CDKAL1: variants seen among roughly 807,000 people sequenced by gnomAD.
The protein encoded by CDKAL1 is CDKAL1 threonylcarbamoyladenosine tRNA methylthiotransferase.
A neutral mutation model predicts 68.2 loss-of-function variants in CDKAL1; 32 were observed. That is an observed-to-expected ratio of 0.47 (90% confidence interval 0.35 to 0.63). The LOEUF is 0.63. CDKAL1 is among the 30% of genes least tolerant of loss of function. The pLI, the probability that CDKAL1 is intolerant of heterozygous loss-of-function variation, is 0.00. For synonymous variants in CDKAL1, 234 were observed against 244.3 expected (o/e 0.96, Z 0.39); for missense variants, 606 against 696.7 (o/e 0.87, Z 1.47).
intron 13 of CDKAL1, among the ~76,000 whole-genome samples, chr6:21,153,455 T>C (rs1344883089): frequency 6.6e-6 from 1 of 152,182 alleles, no homozygotes; most frequent in East Asian, 1.9e-4. Flanking sequence ...AGTAATATTT[T>C]ATCTTAATCA....
At position 20,600,863 on chromosome 6, in the gene CDKAL1, T is replaced by C. The variant is rs1766066648; in HGVS notation, c.287-48430T>C. ...CATTGTTTCTAGCTAGCAAGCACCC[T>C]TAGTGTATTTAATGTATTAGATTTA... is the stretch of plus-strand genomic sequence containing the variant. On this transcript the variant is annotated intron_variant, in intron 4 of 15. Coordinates refer to ENST00000274695, the MANE Select transcript of CDKAL1 (RefSeq NM_017774.3). Among the ~76,000 whole-genome samples, 4 of 150,826 alleles carry C rather than the reference T, an allele frequency of 2.7e-5. No individual in the cohort carries two copies. In the South Asian group the frequency reaches 8.4e-4, roughly 32 times the overall value.
At chr6:21,147,871 G>A (rs1439134002) in intron 13 of CDKAL1, among the ~76,000 whole-genome samples, 1 of 152,076 alleles carries the variant, frequency 6.6e-6, no homozygotes, top group East Asian at 1.9e-4. Flanking sequence ...TGCTAGTACA[G>A]CTTAATGCTT....
At chr6:20,948,616 C>T (rs1032868547) in intron 9 of CDKAL1, among the ~76,000 whole-genome samples, 1 of 152,082 alleles carries the variant, frequency 6.6e-6, no homozygotes, top group Admixed American at 6.6e-5. Flanking sequence ...CTTTGTGTAT[C>T]CATAATGTTT....
intron 8 of CDKAL1, among the ~76,000 whole-genome samples, chr6:20,783,025 G>C (rs919743852): frequency 3.3e-5 from 5 of 152,046 alleles, no homozygotes; most frequent in Non-Finnish European, 5.9e-5. Context: ...CTGCCTCCGG[G>C]TTCAAGTGAT....
At chr6:20,944,039 T>G (rs1270858352) in intron 9 of CDKAL1, among the ~76,000 whole-genome samples, 3 of 152,222 alleles carry the variant, frequency 2.0e-5, no homozygotes, top group Non-Finnish European at 4.4e-5. Context: ...AGCCCTCTCC[T>G]CTATGATATT....
At chr6:20,586,279 G>A (rs973352511) in intron 4 of CDKAL1, among the ~76,000 whole-genome samples, 3 of 152,186 alleles carry the variant, frequency 2.0e-5, no homozygotes, top group Admixed American at 6.5e-5. Context: ...CGAAACCTAA[G>A]TCAGATTATT....
intron 11 of CDKAL1, among the ~76,000 whole-genome samples, chr6:21,047,178 G>C (rs142568970): frequency 6.6e-6 from 1 of 151,878 alleles, no homozygotes; most frequent in African/African-American, 2.4e-5. Context: ...AGCCTCATGA[G>C]TAGCTAGGAC....
chr6:20,549,027 C>T (rs148879835), intron 4 of CDKAL1, among the ~76,000 whole-genome samples: 20 of 152,278 alleles, frequency 1.3e-4, no homozygotes, highest in African/African-American at 4.6e-4. Flanking sequence ...TTTCTGTTAT[C>T]TAAACTGTAG....
chr6:20,665,467 G>T (rs1376525550), intron 5 of CDKAL1, among the ~76,000 whole-genome samples: 1 of 152,128 alleles, frequency 6.6e-6, no homozygotes, highest in African/African-American at 2.4e-5. Flanking sequence ...AGTCTGATAT[G>T]TGTGTAGCCT....
intron 10 of CDKAL1, among the ~76,000 whole-genome samples, chr6:20,972,747 C>G (rs1765656435): frequency 6.6e-6 from 1 of 152,206 alleles, no homozygotes; most frequent in South Asian, 2.1e-4. Flanking sequence ...ACTCAGAGAC[C>G]GTGAAAGGAG....
intron 9 of CDKAL1, among the ~76,000 whole-genome samples, chr6:20,847,374 A>T (rs570272046): frequency 8.5e-5 from 13 of 152,292 alleles, no homozygotes; most frequent in African/African-American, 3.1e-4. Context: ...CCAGAAACTA[A>T]ATCTATTTGA....
At chr6:21,205,592 C>G (rs56348128) in intron 15 of CDKAL1, among the ~76,000 whole-genome samples, 4,525 of 147,988 alleles carry the variant, frequency 0.031, 73 homozygotes, top group Non-Finnish European at 0.038. Flanking sequence ...GTGCAGTGGC[C>G]TGATCTCGGC....
chr6:21,015,543 T>G (rs1447254624), intron 11 of CDKAL1, among the ~76,000 whole-genome samples: 2 of 152,170 alleles, frequency 1.3e-5, no homozygotes, highest in East Asian at 1.9e-4. Context: ...TGAAAAAAAT[T>G]ATTTCGTTGT....
chr6:20,907,377 G>A lies in CDKAL1; in HGVS notation c.743-48042G>A, dbSNP rs955647653. 2.6e-5 allele frequency among the ~76,000 whole-genome samples: 4 copies of A among 152,178 alleles called. No individual in the cohort carries two copies. The East Asian group carries it at 5.8e-4, about 22-fold the overall frequency. The stretch of plus-strand genomic sequence containing the variant: ...GTAGAGGCTGCAGTGAGCCGAGATT[G>A]TGCCACTGCACTCCAGTTTGGATGA... On this transcript the variant is annotated intron_variant, in intron 9 of 15. Transcript: ENST00000274695.
rs114746064 is a variant in CDKAL1, at chr6:20,838,343, G to A, written c.639-7732G>A. Among the ~76,000 whole-genome samples the A allele has an allele frequency of 3.5e-3, 527 of 152,176 alleles. 1 individual carries two copies. Among genetic ancestry groups the A allele is most frequent in the Non-Finnish European group, 5.4e-3 (364 of 68,020 alleles). Reference sequence around the variant, plus strand: ...CAAGTCTGTAGCACAGTGTCACTTTGTCTGGGTCTCAGCTTGAATGGCCAA... The same window carrying A: ...CAAGTCTGTAGCACAGTGTCACTTTATCTGGGTCTCAGCTTGAATGGCCAA... On this transcript the variant is annotated intron_variant, in intron 8 of 15. Coordinates refer to ENST00000274695, the MANE Select transcript of CDKAL1 (RefSeq NM_017774.3).
chr6:21,223,957 C>G (rs549954605), intron 15 of CDKAL1, among the ~76,000 whole-genome samples: 1 of 152,314 alleles, frequency 6.6e-6, no homozygotes, highest in Non-Finnish European at 1.5e-5. Context: ...CACACAGTCT[C>G]CTAGAGGCGC....
At chr6:20,567,057 C>T (rs1428500723) in intron 4 of CDKAL1, among the ~76,000 whole-genome samples, 1 of 151,858 alleles carries the variant, frequency 6.6e-6, no homozygotes, top group Non-Finnish European at 1.5e-5. Flanking sequence ...GTTCTTTTCG[C>T]TTTGTCTTGA....
intron 6 of CDKAL1, among the ~76,000 whole-genome samples, chr6:20,746,649 T>C (rs1581496387): frequency 6.6e-6 from 1 of 152,184 alleles, no homozygotes; most frequent in Non-Finnish European, 1.5e-5. Context: ...TTCGTTATGG[T>C]AAAGGGGAAA....
intron 9 of CDKAL1, among the ~76,000 whole-genome samples, chr6:20,907,740 CAGGG>C: frequency 6.6e-6 from 1 of 152,178 alleles, no homozygotes; most frequent in Non-Finnish European, 1.5e-5. Context: ...AGTCAGCAGC[CAGGG>C]AGTCAGAAGC....
Sources: allele counts gnomAD v4.1 joint callset (sites outside exome capture counted in the v4.1 genomes callset), GRCh38; gene constraint gnomAD v4.1.1; transcripts MANE v1.5; gene names NCBI Gene and HGNC (gene_info 2026-07-23, HGNC 2026-07-21).